Variants in IQGAP2 observed in about 807,000 individuals in gnomAD.
IQGAP2 encodes ras GTPase-activating-like protein IQGAP2.
A neutral mutation model predicts 201.3 loss-of-function variants in IQGAP2; 173 were observed. The ratio of observed to expected loss-of-function variants is 0.86; its 90% confidence interval spans 0.76 to 0.98. The LOEUF is 0.98. Among genes scored for constraint, IQGAP2 ranks in the 50% least tolerant of loss-of-function variants. The pLI is 0.00. For missense variants in IQGAP2, 1,687 were observed against 1,864.8 expected, an observed-to-expected ratio of 0.90 and a Z score of 1.76; for synonymous variants, 675 against 673.9, an observed-to-expected ratio of 1.00 and a Z score of -0.03.
chr5:76,614,442 T>C (rs1213979742), intron 13 of IQGAP2, among the ~76,000 whole-genome samples: 1 of 152,146 alleles, frequency 6.6e-6, no homozygotes, highest in Non-Finnish European at 1.5e-5. Flanking sequence ...ATACTGCAGG[T>C]CCAAGCGATG....
intron 2 of IQGAP2, among the ~76,000 whole-genome samples, chr5:76,490,123 C>T (rs973431504): frequency 1.3e-5 from 2 of 152,182 alleles, no homozygotes; most frequent in African/African-American, 4.8e-5. Context: ...TTGCCTTATA[C>T]CCGTTTTCAT....
intron 23 of IQGAP2, 70 bp from the exon 24 acceptor site, chr5:76,671,689 G>GAAAA: frequency 1.2e-5 from 10 of 812,442 alleles, no homozygotes; most frequent in South Asian, 3.7e-5. Flanking sequence ...CTGTCTCGGG[G>GAAAA]AAAAAAAAAA....
intron 2 of IQGAP2, among the ~76,000 whole-genome samples, chr5:76,519,612 C>T (rs1758543492): frequency 6.6e-6 from 1 of 152,112 alleles, no homozygotes; most frequent in South Asian, 2.1e-4. Context: ...ATGAACAAAC[C>T]ATTTTCCAGG....
intron 2 of IQGAP2, among the ~76,000 whole-genome samples, chr5:76,556,012 C>G (rs1486862166): frequency 6.6e-6 from 1 of 152,076 alleles, no homozygotes; most frequent in South Asian, 2.1e-4. Context: ...GGTTTGTTGT[C>G]GCCTGCCAGG....
intron 12 of IQGAP2, among the ~76,000 whole-genome samples, chr5:76,609,812 G>A (rs1748118265): frequency 6.8e-6 from 1 of 147,248 alleles, no homozygotes; most frequent in African/African-American, 2.5e-5. Flanking sequence ...CTCCTTGGCA[G>A]TGTGTGTATA....
At chr5:76,476,294 C>T (rs543841883) in intron 2 of IQGAP2, among the ~76,000 whole-genome samples, 1 of 152,046 alleles carries the variant, frequency 6.6e-6, no homozygotes, top group South Asian at 2.1e-4. Context: ...AAATGAGTGG[C>T]AAGGTTAGGG....
chr5:76,450,904 G>GT (rs1473974687), intron 1 of IQGAP2, among the ~76,000 whole-genome samples: 2 of 152,104 alleles, frequency 1.3e-5, no homozygotes, highest in African/African-American at 4.8e-5. Flanking sequence ...TGAGAGCTGA[G>GT]TTTTTGGCAA....
intron 1 of IQGAP2, among the ~76,000 whole-genome samples, chr5:76,454,474 A>C (rs1196649717): frequency 1.6e-5 from 2 of 128,754 alleles, no homozygotes; most frequent in African/African-American, 5.9e-5. Flanking sequence ...CCAAAGTGTG[A>C]TGTTCCACTT....
chr5:76,700,916 A>T (rs139338146), intron 33 of IQGAP2, among the ~76,000 whole-genome samples, 160 bp from the exon 34 acceptor site: 265 of 152,356 alleles, frequency 1.7e-3, no homozygotes, highest in African/African-American at 6.2e-3. Flanking sequence ...GTTGCACTCT[A>T]TGGACAAAAT....
chr5:76,578,658 C>G (rs1745629847), intron 5 of IQGAP2, among the ~76,000 whole-genome samples: 1 of 151,892 alleles, frequency 6.6e-6, no homozygotes, highest in Non-Finnish European at 1.5e-5. Context: ...CTCATTTTTT[C>G]AAAAGTAATG....
At chr5:76,472,802 T>C (rs1755184430) in intron 2 of IQGAP2, among the ~76,000 whole-genome samples, 1 of 152,246 alleles carries the variant, frequency 6.6e-6, no homozygotes, top group Non-Finnish European at 1.5e-5. Context: ...GCAACTGATA[T>C]TTGATCCCAA....
At chr5:76,492,440 G>T (rs1186559673) in intron 2 of IQGAP2, among the ~76,000 whole-genome samples, 2 of 152,208 alleles carry the variant, frequency 1.3e-5, no homozygotes, top group Non-Finnish European at 2.9e-5. Context: ...CCATAAGCTG[G>T]GGTGAAGGAA....
At chr5:76,476,048 A>C (rs574813340) in intron 2 of IQGAP2, among the ~76,000 whole-genome samples, 58 of 152,328 alleles carry the variant, frequency 3.8e-4, no homozygotes, top group African/African-American at 1.3e-3. Context: ...TATAAGAATA[A>C]GGAAGTGGAG....
intron 2 of IQGAP2, among the ~76,000 whole-genome samples, chr5:76,503,299 G>C (rs1757400407): frequency 6.7e-6 from 1 of 149,078 alleles, no homozygotes; most frequent in South Asian, 2.1e-4. Context: ...TCAGCCTCCT[G>C]AGTAGCTGGG....
At chr5:76,636,203 C>T (rs1452732445) in intron 15 of IQGAP2, among the ~76,000 whole-genome samples, 1 of 152,228 alleles carries the variant, frequency 6.6e-6, no homozygotes, top group Non-Finnish European at 1.5e-5. Flanking sequence ...TCACTTGATA[C>T]AGTTGACTTA....
At chr5:76,669,070 G>A (rs753255254) in intron 23 of IQGAP2, among the ~76,000 whole-genome samples, 23 of 152,020 alleles carry the variant, frequency 1.5e-4, no homozygotes, top group Non-Finnish European at 2.5e-4. Context: ...TTTTGATTTT[G>A]TATGCCTGTA....
intron 2 of IQGAP2, among the ~76,000 whole-genome samples, chr5:76,474,873 T>G (rs922763492): frequency 1.3e-5 from 2 of 152,122 alleles, no homozygotes; most frequent in Non-Finnish European, 2.9e-5. Flanking sequence ...TCACCACACC[T>G]GGCTGATTTT....
rs1452994158 is a variant in IQGAP2, at chr5:76,562,415, G to C, written c.166G>C (p.Val56Leu). Residue 56 changes from valine to leucine, a missense_variant, in exon 3 of 36, where the codon GTT (valine) becomes CTT (leucine). Transcript: ENST00000274364. ...CTTTAGGTGGATGGAAGTTTGCTTA[G>C]TTGAAGAATTGCCACCAACCACTGA... ...EAKRWMEVCL[V>L]EELPPTTELE... is the part of the protein sequence containing the mutation. 1.9e-6 allele frequency: 3 copies of C among 1,613,170 alleles called. No individual in the cohort carries two copies. Among genetic ancestry groups the C allele is most frequent in the Non-Finnish European group, 2.5e-6 (3 of 1,179,552 alleles).
At chr5:76,569,109 A>G (rs996743914) in intron 3 of IQGAP2, among the ~76,000 whole-genome samples, 13 of 152,086 alleles carry the variant, frequency 8.5e-5, no homozygotes, top group African/African-American at 3.1e-4. Flanking sequence ...TCCTCTATCT[A>G]GTTCATTAGT....
Sources: gnomAD v4.1 joint callset for allele counts (sites outside exome capture counted in the v4.1 genomes callset) on GRCh38, gnomAD v4.1.1 for gene constraint, MANE v1.5 for transcripts, NCBI Gene and HGNC (gene_info 2026-07-23, HGNC 2026-07-21) for gene names.